TSPAN9: variants seen among roughly 807,000 people sequenced by gnomAD.
TSPAN9 encodes the protein tetraspanin-9.
In TSPAN9, 16 loss-of-function variants were observed where a neutral mutation model predicts 31.0. That is an observed-to-expected ratio of 0.52 (90% CI 0.35 to 0.78). The LOEUF (loss-of-function observed/expected upper bound fraction) is 0.78. Among genes scored for constraint, TSPAN9 ranks in the 30% least tolerant of loss-of-function variants. The pLI is 0.01. For synonymous variants in TSPAN9, 145 were observed against 121.6 expected (o/e 1.19, Z -1.27); for missense variants, 272 against 312.5 (o/e 0.87, Z 0.98).
chr12:3,271,603 G>A (rs1862679950), intron 3 of TSPAN9, among the ~76,000 whole-genome samples: 1 of 152,022 alleles, frequency 6.6e-6, no homozygotes, highest in Non-Finnish European at 1.5e-5. Flanking sequence ...TCAGCCCCTG[G>A]GAGACCCGTG....
intron 2 of TSPAN9, among the ~76,000 whole-genome samples, chr12:3,101,307 C>A (rs1358635443): frequency 6.6e-6 from 1 of 152,178 alleles, no homozygotes; most frequent in Non-Finnish European, 1.5e-5. Flanking sequence ...GAAAATTGAA[C>A]CATCCAGCAG....
intron 3 of TSPAN9, among the ~76,000 whole-genome samples, chr12:3,261,622 CA>C (rs1862450879): frequency 6.6e-6 from 1 of 152,204 alleles, no homozygotes; most frequent in African/African-American, 2.4e-5. Flanking sequence ...GCATGCATGA[CA>C]CACAGGAAGT....
intron 2 of TSPAN9, among the ~76,000 whole-genome samples, chr12:3,179,887 C>G (rs1281314416): frequency 6.6e-6 from 1 of 152,208 alleles, no homozygotes; most frequent in East Asian, 1.9e-4. Flanking sequence ...ACCGTCTCTT[C>G]TCACGGTACA....
chr12:3,247,149 A>C (rs1000904050), intron 3 of TSPAN9, among the ~76,000 whole-genome samples: 4 of 152,218 alleles, frequency 2.6e-5, no homozygotes, highest in African/African-American at 9.6e-5. Flanking sequence ...GTGTCTTGGG[A>C]ATGACTGTGA....
intron 2 of TSPAN9, among the ~76,000 whole-genome samples, chr12:3,148,820 C>T (rs2098338550): frequency 6.6e-6 from 1 of 152,232 alleles, no homozygotes; most frequent in Non-Finnish European, 1.5e-5. Flanking sequence ...GTCCACCTCC[C>T]AGCCTCCCCA....
intron 3 of TSPAN9, among the ~76,000 whole-genome samples, chr12:3,213,300 G>A (rs2098379716): frequency 1.3e-5 from 2 of 152,186 alleles, no homozygotes; most frequent in Non-Finnish European, 2.9e-5. Flanking sequence ...CAGTGAGGGC[G>A]GGTGTGTTCT....
At chr12:3,080,440 A>G (rs952344688) in intron 1 of TSPAN9, among the ~76,000 whole-genome samples, 2 of 152,038 alleles carry the variant, frequency 1.3e-5, no homozygotes, top group African/African-American at 2.4e-5. Flanking sequence ...GGTTCAAGCA[A>G]TTCTCTGCCT....
chr12:3,189,606 C>T (rs2098363253), intron 2 of TSPAN9, among the ~76,000 whole-genome samples: 1 of 152,144 alleles, frequency 6.6e-6, no homozygotes, highest in Admixed American at 6.5e-5. Context: ...CCTTTTGGGA[C>T]TGTAAGAGGC....
intron 3 of TSPAN9, among the ~76,000 whole-genome samples, chr12:3,217,770 C>G (rs1433899443): frequency 6.6e-6 from 1 of 152,048 alleles, no homozygotes; most frequent in Non-Finnish European, 1.5e-5. Context: ...CAGGCCTTCT[C>G]TAGCCTGGTC....
chr12:3,092,946 C>T (rs1275882229), intron 2 of TSPAN9, among the ~76,000 whole-genome samples: 3 of 152,198 alleles, frequency 2.0e-5, no homozygotes, highest in Admixed American at 6.5e-5. Context: ...GGGGAGCTGG[C>T]GAGTGCTTCC....
At chr12:3,279,185 G>A in intron 5 of TSPAN9, 119 bp downstream of exon 5, 1 of 906,516 alleles carries the variant, frequency 1.1e-6, no homozygotes, top group Non-Finnish European at 1.8e-6. Context: ...CACCTGTGCA[G>A]AAAGGAACAT....
chr12:3,106,771 GACAAA>G (rs199995207), intron 2 of TSPAN9, among the ~76,000 whole-genome samples: 5,809 of 151,962 alleles, frequency 0.038, 379 homozygotes, highest in African/African-American at 0.13. Context: ...ACCCTGTCTC[GACAAA>G]ACAAAACAAA....
intron 2 of TSPAN9, among the ~76,000 whole-genome samples, chr12:3,126,441 T>G (rs1178072671): frequency 6.6e-6 from 1 of 151,944 alleles, no homozygotes; most frequent in Non-Finnish European, 1.5e-5. Context: ...AACACAAGAG[T>G]GTTTGTGTGT....
In TSPAN9 at chr12:3,128,096, C is replaced by T. The variant is rs186248342; in HGVS notation, c.-18+44377C>T. Among the ~76,000 whole-genome samples the T allele has an allele frequency of 4.9e-4, 74 of 152,284 alleles. 2 individuals are homozygous for T. The highest frequency in any genetic ancestry group is 3.3e-3 in the South Asian group (16 of 4,816). ...GGGGACCACTGTCGTATGTGTGGTC[C>T]GTCATTGGCTGAAGCATTGTTATGT... On this transcript the variant is annotated intron_variant, in intron 2 of 8. Transcript: ENST00000011898.
At chr12:3,199,734 TGCGCGCCGAGGGGGCGGGGAGGGCGGC>T (rs2098370106) in intron 2 of TSPAN9, among the ~76,000 whole-genome samples, 1 of 151,958 alleles carries the variant, frequency 6.6e-6, no homozygotes, top group Admixed American at 6.5e-5. Context: ...CGCCCGTGCG[TGCGCGCCGAGGGGGCGGGGAGGGCGGC>T]GCGCACCCCG....
intron 3 of TSPAN9, among the ~76,000 whole-genome samples, chr12:3,267,475 C>T (rs1246195664): frequency 2.0e-5 from 3 of 152,190 alleles, no homozygotes; most frequent in Non-Finnish European, 4.4e-5. Flanking sequence ...GAGGTCTGGG[C>T]TGCCCATGGT....
At position 3,280,230 on chromosome 12, in the gene TSPAN9, C is replaced by T. The variant is rs1325953700; in HGVS notation, c.331-152C>T. On this transcript the variant is annotated intron_variant, in intron 5 of 8. Coordinates refer to ENST00000011898, the MANE Select transcript of TSPAN9 (RefSeq NM_006675.5). The surrounding 1 kb of genome is among the most constrained non-coding windows in gnomAD (Gnocchi z 4.5). ...CCTCTGTTGGGCCAGCAGAGGCCCC[C>T]ACCCCAGTGGGCAGGGCCTTCCAGA... 9 of 665,606 alleles carry T rather than the reference C, an allele frequency of 1.4e-5. No homozygotes were observed. The highest frequency in any genetic ancestry group is 2.3e-5 in the Non-Finnish European group (9 of 383,160). 41.2% of individuals were successfully genotyped at this position (665,606 alleles called of 1,614,324 possible). A position where few individuals can be genotyped will look rare whatever the true frequency, so the allele number is the denominator to read the frequency against.
At chr12:3,230,085 A>T (rs574481282) in intron 3 of TSPAN9, among the ~76,000 whole-genome samples, 1 of 151,794 alleles carries the variant, frequency 6.6e-6, no homozygotes, top group South Asian at 2.1e-4. Context: ...TCTGTCTGGG[A>T]CTTCTCTCCA....
intron 2 of TSPAN9, among the ~76,000 whole-genome samples, chr12:3,159,753 C>A (rs1263281021): frequency 1.3e-5 from 2 of 152,156 alleles, no homozygotes; most frequent in Non-Finnish European, 2.9e-5. Flanking sequence ...GAAACAAACA[C>A]AGAGGGAAGA....
Sources: gnomAD v4.1 joint callset for allele counts (sites outside exome capture counted in the v4.1 genomes callset) on GRCh38, gnomAD v4.1.1 for gene constraint, Gnocchi (gnomAD v3.1) non-coding constraint, MANE v1.5 for transcripts, NCBI Gene and HGNC (gene_info 2026-07-23, HGNC 2026-07-21) for gene names.